ABRAXAS2: variants seen among roughly 807,000 people sequenced by gnomAD.
ABRAXAS2 encodes the protein BRISC complex subunit Abraxas 2.
In ABRAXAS2, 23 loss-of-function variants were observed where a neutral mutation model predicts 49.0. The ratio of observed to expected loss-of-function variants is 0.47; its 90% confidence interval spans 0.34 to 0.66. ABRAXAS2 has a LOEUF of 0.66. Ranked by LOEUF, ABRAXAS2 falls within the 30% of genes least tolerant of loss-of-function variation. The pLI is 0.01. For synonymous variants in ABRAXAS2, 168 were observed against 180.2 expected (o/e 0.93, Z 0.54); for missense variants, 443 against 511.9 (o/e 0.87, Z 1.30).
intron 2 of ABRAXAS2, among the ~76,000 whole-genome samples, chr10:124,811,864 G>A (rs1014652234): frequency 2.0e-5 from 3 of 152,032 alleles, no homozygotes; most frequent in South Asian, 2.1e-4. Flanking sequence ...CGCAACCTCC[G>A]CTTCCCAGGT....
At chr10:124,801,974 G>A (rs1346314002) in intron 1 of ABRAXAS2, 73 bp downstream of exon 1, 18 of 1,494,506 alleles carry the variant, frequency 1.2e-5, no homozygotes, top group South Asian at 8.0e-5. Flanking sequence ...TCGCGGCCAA[G>A]CCGGGACCTC....
At chr10:124,826,921 G>A (rs1018125904) in intron 5 of ABRAXAS2, 136 bp downstream of exon 5, 1 of 825,212 alleles carries the variant, frequency 1.2e-6, no homozygotes, top group Non-Finnish European at 1.9e-6. Flanking sequence ...AGACCATCCT[G>A]GCCAACATGG....
chr10:124,821,520 T>C (rs7915429), intron 4 of ABRAXAS2, among the ~76,000 whole-genome samples: 116,065 of 151,618 alleles, frequency 0.77, 44,510 homozygotes, highest in South Asian at 0.85. Flanking sequence ...GAGCTGAGAT[T>C]GCGCCACTGC....
chr10:124,808,580 A>G (rs1950763645), intron 2 of ABRAXAS2, among the ~76,000 whole-genome samples: 1 of 152,212 alleles, frequency 6.6e-6, no homozygotes, highest in South Asian at 2.1e-4. Context: ...GGGGAGGATT[A>G]GACAGGCAGG....
intron 2 of ABRAXAS2, among the ~76,000 whole-genome samples, chr10:124,812,042 G>T (rs1012283156): frequency 1.3e-5 from 2 of 152,188 alleles, no homozygotes; most frequent in African/African-American, 2.4e-5. Context: ...CTCCCAAAGT[G>T]CTGGGATTAC....
Position 124,835,144 on chromosome 10 carries a change from G to C in ABRAXAS2, c.*173G>C, listed in dbSNP as rs905335418. ...CTCCATCCGCTGCTCTTTACCTTTG[G>C]ATACAGTGTGCAAGTTTCATGACAG... is the stretch of plus-strand genomic sequence containing the variant. On this transcript the variant is annotated 3_prime_UTR_variant, in exon 9 of 9. Transcript: ENST00000298492. The C allele has an allele frequency of 9.2e-6, 5 of 545,570 alleles. No homozygotes were observed. In the Admixed American group the frequency reaches 1.4e-4, roughly 15 times the overall value. The allele number at this position is 545,570 out of a possible 1,614,324, so 33.8% of individuals were successfully genotyped here. A position where few individuals can be genotyped will look rare whatever the true frequency, so the allele number is the denominator to read the frequency against.
chr10:124,831,464 G>A lies in ABRAXAS2; in HGVS notation c.778+1G>A. 1 of 1,487,030 alleles carries A rather than the reference G, an allele frequency of 6.7e-7. No individual in the cohort carries two copies. Among genetic ancestry groups the A allele is most frequent in the Non-Finnish European group, 9.4e-7 (1 of 1,067,274 alleles). The allele number at this position is 1,487,030 out of a possible 1,614,324, so 92.1% of individuals were successfully genotyped here. On this transcript the variant is annotated splice_donor_variant, in intron 8 of 8. Transcript: ENST00000298492. LOFTEE classifies it high-confidence loss of function. ...AAAAATGAAAAGGAACAAGAAAGAA[G>A]TAAGTTTCTTATTAATTTTACCATT... is the stretch of plus-strand genomic sequence containing the variant.
chr10:124,817,312 G>A (rs1012178994), intron 3 of ABRAXAS2, among the ~76,000 whole-genome samples: 3 of 152,090 alleles, frequency 2.0e-5, no homozygotes, highest in African/African-American at 7.2e-5. Flanking sequence ...AGGGAGAAAC[G>A]TTCGGAAAGG....
chr10:124,807,379 A>T (rs1477073789), intron 2 of ABRAXAS2, among the ~76,000 whole-genome samples: 1 of 145,010 alleles, frequency 6.9e-6, no homozygotes, highest in Admixed American at 7.0e-5. Flanking sequence ...AAGGCCGGCC[A>T]TGGTGGCTCA....
intron 7 of ABRAXAS2, among the ~76,000 whole-genome samples, 154 bp downstream of exon 7, chr10:124,829,631 T>C (rs764917002): frequency 4.6e-5 from 7 of 152,204 alleles, no homozygotes; most frequent in Admixed American, 2.0e-4. Context: ...TGTGGAATAA[T>C]GATTCATGCC....
At chr10:124,826,518 G>A in intron 4 of ABRAXAS2, 77 bp from the exon 5 acceptor site, 1 of 1,406,744 alleles carries the variant, frequency 7.1e-7, no homozygotes, top group Non-Finnish European at 9.8e-7. Flanking sequence ...ATGAACATTT[G>A]TGCATGTGTG....
At chr10:124,814,105 C>T (rs1950807976) in intron 2 of ABRAXAS2, among the ~76,000 whole-genome samples, 1 of 152,054 alleles carries the variant, frequency 6.6e-6, no homozygotes, top group Non-Finnish European at 1.5e-5. Flanking sequence ...GGTTCTCCTG[C>T]CTCAGTCCCG....
At chr10:124,813,756 G>A (rs868384284) in intron 2 of ABRAXAS2, among the ~76,000 whole-genome samples, 3 of 152,172 alleles carry the variant, frequency 2.0e-5, no homozygotes, top group South Asian at 2.1e-4. Flanking sequence ...TCTATAGAAT[G>A]TCTTTAGCGT....
At chr10:124,807,190 G>A (rs1950750828) in intron 2 of ABRAXAS2, among the ~76,000 whole-genome samples, 2 of 151,820 alleles carry the variant, frequency 1.3e-5, no homozygotes, top group South Asian at 4.1e-4. Context: ...GCGGACGCCT[G>A]TAGTCCCAGC....
In ABRAXAS2 at chr10:124,834,978, A is replaced by G. The variant is rs747087220; in HGVS notation, c.*7A>G. 3.8e-6 allele frequency: 6 copies of G among 1,576,314 alleles called. No individual in the cohort carries two copies. The Admixed American group carries it at 1.1e-4, about 30-fold the overall frequency. Reference sequence around the variant, plus strand: ...TCAGACCTCCCAGATTTAACTAAACAAAAGAAACTCTCCACCTAGCACTGT... The same window carrying G: ...TCAGACCTCCCAGATTTAACTAAACGAAAGAAACTCTCCACCTAGCACTGT... On this transcript the variant is annotated 3_prime_UTR_variant, in exon 9 of 9. Transcript: ENST00000298492.
At chr10:124,807,670 T>G (rs1950755918) in intron 2 of ABRAXAS2, among the ~76,000 whole-genome samples, 1 of 152,174 alleles carries the variant, frequency 6.6e-6, no homozygotes. Context: ...TGAAATGTTT[T>G]TATGTCAGTA....
At chr10:124,804,717 CTT>C (rs72458712) in intron 1 of ABRAXAS2, among the ~76,000 whole-genome samples, 9 of 131,322 alleles carry the variant, frequency 6.9e-5, no homozygotes, top group Admixed American at 2.5e-4. Context: ...TTTTTTCTTT[CTT>C]TTTTTTTTTT....
chr10:124,821,410 C>CA (rs1397750455), intron 4 of ABRAXAS2, among the ~76,000 whole-genome samples: 3 of 151,860 alleles, frequency 2.0e-5, no homozygotes, highest in Non-Finnish European at 4.4e-5. Context: ...ACTAAAAATA[C>CA]AAAAAATTAG....
intron 2 of ABRAXAS2, among the ~76,000 whole-genome samples, chr10:124,809,099 C>G (rs552189662): frequency 2.0e-4 from 30 of 151,286 alleles, no homozygotes; most frequent in African/African-American, 7.3e-4. Flanking sequence ...CCATTCCACT[C>G]CAGCCTGGGC....
Sources: gnomAD v4.1 joint callset for allele counts (sites outside exome capture counted in the v4.1 genomes callset) on GRCh38, gnomAD v4.1.1 for gene constraint, MANE v1.5 for transcripts, NCBI Gene and HGNC (gene_info 2026-07-23, HGNC 2026-07-21) for gene names.